KLHL32: variants seen among roughly 807,000 people sequenced by gnomAD.
KLHL32 encodes kelch like family member 32.
Under a neutral mutation model 64.8 loss-of-function variants are expected in KLHL32, and 35 were observed. The ratio of observed to expected loss-of-function variants is 0.54; its 90% CI spans 0.41 to 0.72. The LOEUF (loss-of-function observed/expected upper bound fraction) is 0.72, where lower values mean the gene tolerates loss of function less well. Among genes scored for constraint, KLHL32 ranks in the 30% least tolerant of loss-of-function variants. The pLI is 0.00. For synonymous variants in KLHL32, 259 were observed against 281.0 expected, an observed-to-expected ratio of 0.92 and a Z score of 0.78; for missense variants, 589 against 768.5, an observed-to-expected ratio of 0.77 and a Z score of 2.76.
At chr6:97,109,880 C>G (rs902842731) in intron 6 of KLHL32, among the ~76,000 whole-genome samples, 3 of 152,226 alleles carry the variant, frequency 2.0e-5, no homozygotes, top group African/African-American at 7.2e-5. Context: ...GCTAGAATTA[C>G]TTGACTAAAT....
chr6:97,010,261 T>C (rs1031015881), intron 3 of KLHL32: 8 of 150,634 alleles, frequency 5.3e-5, no homozygotes, highest in Non-Finnish European at 1.5e-5. Flanking sequence ...AGAATGGGTA[T>C]AGAGGTAAGA....
At chr6:97,019,588 T>A (rs1781709452) in intron 3 of KLHL32, among the ~76,000 whole-genome samples, 1 of 152,188 alleles carries the variant, frequency 6.6e-6, no homozygotes, top group Non-Finnish European at 1.5e-5. Flanking sequence ...CACAGTTCTC[T>A]CAGCAGCTAG....
intron 1 of KLHL32, among the ~76,000 whole-genome samples, chr6:96,933,590 C>A (rs71562314): frequency 0.13 from 19,935 of 152,146 alleles, 1,566 homozygotes; most frequent in East Asian, 0.26. Context: ...CCCTTTGTAT[C>A]TGGAGCCTCA....
rs758626208 is a variant in KLHL32 at position 97,114,174 on chromosome 6, G to T, written c.1019G>T (p.Cys340Phe). 3 of 1,614,200 alleles carry T rather than the reference G, an allele frequency of 1.9e-6. No individual in the cohort carries two copies. The highest frequency in any genetic ancestry group is 2.5e-6 in the Non-Finnish European group (3 of 1,180,036). ...APMPVGRSHHCVAVMGDFLFV... is the reference protein window; with the variant it reads ...APMPVGRSHHFVAVMGDFLFV... ...ATGCCTGTGGGAAGGAGCCACCATT[G>T]TGTGGCAGTCATGGGGGACTTCCTG... The change falls in exon 7 of 11, where the codon TGT (cysteine) becomes TTT (phenylalanine). Residue 340 changes from cysteine to phenylalanine, a missense_variant. Coordinates refer to ENST00000369261, the MANE Select transcript of KLHL32 (RefSeq NM_052904.4).
Position 97,139,194 on chromosome 6 carries a change from T to C in KLHL32, c.1775T>C (p.Ile592Thr). 1 of 1,613,976 alleles carries C rather than the reference T, an allele frequency of 6.2e-7. No homozygotes were observed. Among genetic ancestry groups the C allele is most frequent in the Non-Finnish European group, 8.5e-7 (1 of 1,179,848 alleles). ...ACACTCCCTTTTGCTTCCAATGGAA[T>C]AGCAGCATGCTTCCTTCCAGCTCCA... is the stretch of plus-strand genomic sequence containing the variant. ...GPTLPFASNG[I>T]AACFLPAPYF... The change falls in exon 11 of 11, where the codon ATA becomes ACA. Residue 592 changes from isoleucine (I) to threonine (T), a missense_variant. Coordinates refer to ENST00000369261, the MANE Select transcript of KLHL32 (RefSeq NM_052904.4).
chr6:97,048,817 A>T (rs1238597987), intron 4 of KLHL32, among the ~76,000 whole-genome samples: 1 of 152,218 alleles, frequency 6.6e-6, no homozygotes, highest in Non-Finnish European at 1.5e-5. Flanking sequence ...TGTCGGATTT[A>T]CTTATAAATA....
intron 6 of KLHL32, among the ~76,000 whole-genome samples, chr6:97,096,713 A>C (rs940789314): frequency 6.6e-6 from 1 of 152,270 alleles, no homozygotes; most frequent in African/African-American, 2.4e-5. Flanking sequence ...AAGCAAAAAC[A>C]ACTCCTGTTT....
At chr6:97,103,181 T>G (rs1795948212) in intron 6 of KLHL32, among the ~76,000 whole-genome samples, 2 of 151,630 alleles carry the variant, frequency 1.3e-5, no homozygotes, top group Non-Finnish European at 2.9e-5. Context: ...AGGTAAAATA[T>G]ATGTGAACAA....
chr6:97,093,764 G>A (rs1255477946), intron 6 of KLHL32, among the ~76,000 whole-genome samples: 2 of 152,168 alleles, frequency 1.3e-5, no homozygotes, highest in Non-Finnish European at 2.9e-5. Flanking sequence ...GGCAGAGGGA[G>A]GGAACCATCT....
chr6:96,934,315 T>C (rs1282250787), intron 1 of KLHL32, among the ~76,000 whole-genome samples: 1 of 152,220 alleles, frequency 6.6e-6, no homozygotes, highest in African/African-American at 2.4e-5. Flanking sequence ...TGAGTAATTA[T>C]GGTGATAGGT....
chr6:96,965,927 C>T (rs1774406095), intron 1 of KLHL32, among the ~76,000 whole-genome samples: 1 of 152,120 alleles, frequency 6.6e-6, no homozygotes, highest in African/African-American at 2.4e-5. Flanking sequence ...AGCAACTCAA[C>T]AACCTAATGT....
intron 3 of KLHL32, among the ~76,000 whole-genome samples, chr6:97,030,223 A>G (rs1178268342): frequency 6.6e-6 from 1 of 152,208 alleles, no homozygotes; most frequent in Non-Finnish European, 1.5e-5. Flanking sequence ...ATCATCTGCC[A>G]TTTTACTTAT....
intron 10 of KLHL32, 51 bp from the exon 11 acceptor site, chr6:97,139,070 T>C: frequency 6.5e-7 from 1 of 1,545,574 alleles, no homozygotes; most frequent in African/African-American, 1.4e-5. Flanking sequence ...CATAGCTTTA[T>C]TTTGAGCAGT....
intron 5 of KLHL32, among the ~76,000 whole-genome samples, chr6:97,074,501 G>A (rs556800551): frequency 1.8e-4 from 27 of 151,892 alleles, no homozygotes; most frequent in Non-Finnish European, 3.7e-4. Context: ...AAGATAAAAA[G>A]CGAAAATAAT....
At chr6:97,084,505 A>G (rs1440221776) in intron 5 of KLHL32, among the ~76,000 whole-genome samples, 1 of 152,204 alleles carries the variant, frequency 6.6e-6, no homozygotes, top group Non-Finnish European at 1.5e-5. Flanking sequence ...AACAAAGAAC[A>G]ATTACAAATC....
intron 3 of KLHL32, among the ~76,000 whole-genome samples, chr6:96,977,078 A>G (rs2128044975): frequency 6.6e-6 from 1 of 152,318 alleles, no homozygotes; most frequent in East Asian, 1.9e-4. Flanking sequence ...TTTTTCTTGA[A>G]GATGAAAGTA....
chr6:97,082,867 C>T (rs1792787543), intron 5 of KLHL32, among the ~76,000 whole-genome samples: 1 of 152,080 alleles, frequency 6.6e-6, no homozygotes, highest in Admixed American at 6.6e-5. Flanking sequence ...AATGGTGTGC[C>T]TTATTCAAGA....
At chr6:96,968,247 T>A (rs1326764932) in intron 2 of KLHL32, among the ~76,000 whole-genome samples, 1 of 152,146 alleles carries the variant, frequency 6.6e-6, no homozygotes, top group Non-Finnish European at 1.5e-5. Context: ...TTGTGCAATA[T>A]CTGACAATGT....
At chr6:96,905,306 T>G in the KLHL32 span, among the ~76,000 whole-genome samples, 151,486 of 152,344 alleles carry the variant, frequency 0.99, 75,325 homozygotes, top group Middle Eastern at 1. Context: ...CCCCAGAAAA[T>G]ATGTGAAAAG....
Sources: allele counts gnomAD v4.1 joint callset (sites outside exome capture counted in the v4.1 genomes callset), GRCh38; gene constraint gnomAD v4.1.1; transcripts MANE v1.5; gene names NCBI Gene and HGNC (gene_info 2026-07-23, HGNC 2026-07-21).